CRISPLD1: variants seen among roughly 807,000 people sequenced by gnomAD.
CRISPLD1 encodes cysteine rich secretory protein LCCL domain containing 1.
Under a neutral mutation model 77.5 loss-of-function variants are expected in CRISPLD1, and 60 were observed. The observed-to-expected ratio is 0.77, with a 90% CI of 0.63 to 0.96. CRISPLD1 has a LOEUF of 0.96. CRISPLD1 is among the 40% of genes least tolerant of loss of function. CRISPLD1 has a pLI of 0.00. For synonymous variants in CRISPLD1, 195 were observed against 200.1 expected (o/e 0.97, Z 0.22); for missense variants, 623 against 615.8 (o/e 1.01, Z -0.12).
Position 74,989,573 on chromosome 8 carries a change from A to G in CRISPLD1, c.258+3328A>G, listed in dbSNP as rs535807627. ...TTTTTTATTTGAAAAATGTCTGTAC[A>G]TGTCCTTTGCACACTTGTTAGTGGG... is the stretch of plus-strand genomic sequence containing the variant. On this transcript the variant is annotated intron_variant, in intron 2 of 14. Transcript: ENST00000262207. 3.3e-5 allele frequency among the ~76,000 whole-genome samples: 5 copies of G among 151,348 alleles called. No individual in the cohort carries two copies. The South Asian group carries it at 8.3e-4, about 25-fold the overall frequency.
chr8:75,005,323 C>T (rs935726839), intron 2 of CRISPLD1, among the ~76,000 whole-genome samples: 4 of 151,834 alleles, frequency 2.6e-5, no homozygotes, highest in African/African-American at 7.3e-5. Flanking sequence ...CAAAAGAATT[C>T]GGAAAGACTT....
At chr8:75,027,827 G>A (rs1195198310) in intron 13 of CRISPLD1, among the ~76,000 whole-genome samples, 1 of 151,506 alleles carries the variant, frequency 6.6e-6, no homozygotes, top group East Asian at 1.9e-4. Flanking sequence ...TGAACTTTTA[G>A]TTTATTATAT....
intron 14 of CRISPLD1, among the ~76,000 whole-genome samples, chr8:75,029,931 A>G (rs719617): frequency 0.2 from 30,392 of 152,114 alleles, 3,576 homozygotes; most frequent in East Asian, 0.33. Flanking sequence ...GATTTTCCCT[A>G]GAACCAAATT....
intron 2 of CRISPLD1, among the ~76,000 whole-genome samples, chr8:75,002,319 A>G (rs1444420689): frequency 2.7e-5 from 4 of 149,748 alleles, no homozygotes; most frequent in Non-Finnish European, 5.9e-5. Context: ...CAGCAAATCA[A>G]GCAGATTCTT....
At chr8:75,018,387 G>A (rs1813073876) in intron 10 of CRISPLD1, among the ~76,000 whole-genome samples, 1 of 151,994 alleles carries the variant, frequency 6.6e-6, no homozygotes, top group African/African-American at 2.4e-5. Flanking sequence ...CACCTTCTGG[G>A]CTCAAGCGAT....
chr8:74,994,488 G>A (rs926709026), intron 2 of CRISPLD1, among the ~76,000 whole-genome samples: 1 of 152,126 alleles, frequency 6.6e-6, no homozygotes, highest in Non-Finnish European at 1.5e-5. Context: ...AACTTGCAAG[G>A]ACTTCTGGAA....
At chr8:75,016,452 C>A in intron 6 of CRISPLD1, 113 bp from the exon 7 acceptor site, 3 of 1,073,004 alleles carry the variant, frequency 2.8e-6, no homozygotes, top group Non-Finnish European at 2.6e-6. Flanking sequence ...AAAAACAGTA[C>A]TGATTTTTCT....
chr8:75,017,167 G>A (rs1813046852), intron 9 of CRISPLD1, 54 bp downstream of exon 9: 1 of 1,546,706 alleles, frequency 6.5e-7, no homozygotes, highest in Non-Finnish European at 8.9e-7. Context: ...TGTAATATTT[G>A]ATTTTTATTG....
chr8:75,000,008 G>A (rs1306271215), intron 2 of CRISPLD1: 4 of 301,426 alleles, frequency 1.3e-5, no homozygotes, highest in Non-Finnish European at 1.9e-5. Flanking sequence ...TAGAATTTCA[G>A]TTGAGTAAGT....
intron 2 of CRISPLD1, among the ~76,000 whole-genome samples, chr8:74,998,685 C>CA (rs368258595): frequency 0.014 from 704 of 50,052 alleles, 27 homozygotes; most frequent in East Asian, 0.021. Flanking sequence ...GACTCCATCT[C>CA]AAAAAAAAAA....
At chr8:75,031,101 A>T (rs1299078450) in intron 14 of CRISPLD1, among the ~76,000 whole-genome samples, 1 of 152,068 alleles carries the variant, frequency 6.6e-6, no homozygotes, top group Non-Finnish European at 1.5e-5. Flanking sequence ...TAAGGCACTC[A>T]GTCAGTTTGT....
chr8:75,012,364 T>C (rs962375584), intron 2 of CRISPLD1, 69 bp from the exon 3 acceptor site: 6 of 891,614 alleles, frequency 6.7e-6, no homozygotes, highest in Non-Finnish European at 9.5e-6. Flanking sequence ...TAAGAACTGC[T>C]CAACACTGTG....
rs1813045786 is a variant in CRISPLD1, at chr8:75,017,120, G to GT, written c.996+9dup. 6.2e-7 allele frequency: 1 copy of GT among 1,603,612 alleles called. No individual in the cohort carries two copies. Among genetic ancestry groups the GT allele is most frequent in the African/African-American group, 1.3e-5 (1 of 74,764 alleles). ...CAGTGTACATTATGAAATGGTAAGT[G>GT]TTATAAATGTAATTATTTGAGGATA... is the stretch of plus-strand genomic sequence containing the variant. On this transcript the variant is annotated splice_region_variant and intron_variant, in intron 9 of 14. Coordinates refer to ENST00000262207, the MANE Select transcript of CRISPLD1 (RefSeq NM_031461.6).
intron 2 of CRISPLD1, among the ~76,000 whole-genome samples, chr8:75,001,240 G>A (rs1176424032): frequency 2.0e-5 from 3 of 151,976 alleles, no homozygotes; most frequent in Admixed American, 1.3e-4. Flanking sequence ...TTTGGCTTAG[G>A]GCAAACATTC....
chr8:75,015,489 T>G (rs1361394353), intron 6 of CRISPLD1, among the ~76,000 whole-genome samples: 1 of 152,176 alleles, frequency 6.6e-6, no homozygotes. Context: ...GTGTCCTGTT[T>G]ATAGCACATA....
At position 75,012,944 on chromosome 8, in the gene CRISPLD1, T is replaced by C. The variant is rs1812959849; in HGVS notation, c.432T>C (p.Phe144=). The C allele has an allele frequency of 6.2e-7, 1 of 1,613,068 alleles. No individual in the cohort carries two copies. The highest frequency in any genetic ancestry group is 1.1e-5 in the South Asian group (1 of 91,022). ...CGTGGTATGATGAAGTGAAAGACTT[T>C]AGCTACCCATATGAACATGAATGCA... ...VQSWYDEVKD[F]SYPYEHECNP... The change falls in exon 4 of 15, where the codon TTT becomes TTC. Residue 144 remains phenylalanine (F), a synonymous_variant. Transcript: ENST00000262207.
intron 13 of CRISPLD1, 145 bp downstream of exon 13, chr8:75,025,766 T>C (rs1206986707): frequency 8.1e-6 from 3 of 371,952 alleles, no homozygotes; most frequent in Admixed American, 4.2e-5. Flanking sequence ...TAAACATCCA[T>C]ATCACTGAAA....
intron 2 of CRISPLD1, among the ~76,000 whole-genome samples, chr8:75,004,142 C>A (rs182389344): frequency 1.3e-5 from 2 of 152,172 alleles, no homozygotes; most frequent in East Asian, 3.9e-4. Flanking sequence ...TTGCAGGAGA[C>A]CCTAATTTGT....
intron 7 of CRISPLD1, 27 bp from the exon 8 acceptor site, chr8:75,016,849 TTTAAG>T (rs1450387016): frequency 4.6e-6 from 7 of 1,527,198 alleles, no homozygotes; most frequent in Non-Finnish European, 5.3e-6. Flanking sequence ...TTTTATATTA[TTTAAG>T]TTATTTAGGT....
Sources: gnomAD v4.1 joint callset for allele counts (sites outside exome capture counted in the v4.1 genomes callset) on GRCh38, gnomAD v4.1.1 for gene constraint, MANE v1.5 for transcripts, NCBI Gene and HGNC (gene_info 2026-07-23, HGNC 2026-07-21) for gene names.